The following PHF14 variants were observed in gnomAD, a reference collection of about 807,000 sequenced individuals.
The protein encoded by PHF14 is PHD finger protein 14.
In PHF14, 55 loss-of-function variants were observed where a neutral mutation model predicts 117.9. The observed-to-expected ratio is 0.47, with a 90% CI of 0.38 to 0.58. The LOEUF is 0.58. Ranked by LOEUF, PHF14 falls within the 20% of genes least tolerant of loss-of-function variation. The pLI, the probability that PHF14 is intolerant of heterozygous loss-of-function variation, is 0.00. For synonymous variants in PHF14, 409 were observed against 368.6 expected, an observed-to-expected ratio of 1.11 and a Z score of -1.26; for missense variants, 978 against 1,122.2, an observed-to-expected ratio of 0.87 and a Z score of 1.84.
chr7:11,145,737 A>G (rs1788532277), intron 17 of PHF14, among the ~76,000 whole-genome samples: 1 of 152,242 alleles, frequency 6.6e-6, no homozygotes, highest in African/African-American at 2.4e-5. Context: ...ATAAAAAGTA[A>G]CATGCATTAT....
Position 11,036,410 on chromosome 7 carries a change from T to C in PHF14, c.1603-8T>C. The C allele has an allele frequency of 5.7e-6, 9 of 1,588,936 alleles. No individual in the cohort carries two copies. Among genetic ancestry groups the C allele is most frequent in the Non-Finnish European group, 7.7e-6 (9 of 1,164,450 alleles). On this transcript the variant is annotated splice_polypyrimidine_tract_variant and splice_region_variant and intron_variant, in intron 8 of 17. Transcript: ENST00000634607. ...ATCTTTTAAAATTTGAATACATTTC[T>C]TTTATAGGCAAGGATCAATGCCCGG...
intron 14 of PHF14, among the ~76,000 whole-genome samples, chr7:11,060,613 C>T (rs1249117723): frequency 6.6e-6 from 1 of 152,138 alleles, no homozygotes; most frequent in African/African-American, 2.4e-5. Context: ...CAGGTGATGC[C>T]AGTGCTTATG....
At chr7:11,086,023 C>G (rs1380713587) in intron 16 of PHF14, among the ~76,000 whole-genome samples, 1 of 152,100 alleles carries the variant, frequency 6.6e-6, no homozygotes, top group Non-Finnish European at 1.5e-5. Flanking sequence ...CATCTGTAAA[C>G]CGAGGATAAT....
chr7:11,138,536 A>G (rs1227323729), intron 17 of PHF14, among the ~76,000 whole-genome samples: 1 of 152,264 alleles, frequency 6.6e-6, no homozygotes, highest in Non-Finnish European at 1.5e-5. Context: ...AGTAAACAGT[A>G]GATTAACTTG....
chr7:11,072,095 G>T (rs144769222), intron 16 of PHF14, among the ~76,000 whole-genome samples: 6 of 152,298 alleles, frequency 3.9e-5, no homozygotes, highest in Non-Finnish European at 7.4e-5. Context: ...ACTAAGAAAA[G>T]ATATTTAATT....
In PHF14 at chr7:11,104,959, A is replaced by G. The variant is rs776477257; in HGVS notation, c.2655-6391A>G. 2.0e-4 allele frequency: 191 copies of G among 937,168 alleles called. 2 individuals are homozygous for G. Among genetic ancestry groups the G allele is most frequent in the Non-Finnish European group, 2.3e-4 (177 of 786,326 alleles). 58.1% of individuals were successfully genotyped at this position (937,168 alleles called of 1,614,324 possible). A position where few individuals can be genotyped will look rare whatever the true frequency, so the allele number is the denominator to read the frequency against. On this transcript the variant is annotated intron_variant, in intron 16 of 17. Transcript: ENST00000634607. Reference sequence around the variant, plus strand: ...AACATCTCCTTAAAAGGTCCCTTAGATTTCCTCTAGATAAAAGAATTAGTA... The same window carrying G: ...AACATCTCCTTAAAAGGTCCCTTAGGTTTCCTCTAGATAAAAGAATTAGTA...
chr7:11,038,040 A>G (rs192690180), intron 10 of PHF14, among the ~76,000 whole-genome samples: 1 of 152,310 alleles, frequency 6.6e-6, no homozygotes, highest in Non-Finnish European at 1.5e-5. Flanking sequence ...CCAGCAGAAA[A>G]CAAAATGCTT....
At chr7:11,122,898 G>C (rs1787817610) in intron 17 of PHF14, among the ~76,000 whole-genome samples, 1 of 152,104 alleles carries the variant, frequency 6.6e-6, no homozygotes, top group Non-Finnish European at 1.5e-5. Context: ...CCAGCTGCAT[G>C]TCCAGGAACT....
In PHF14 at chr7:11,022,987, A is replaced by G. The variant is rs767733294; in HGVS notation, c.1317+8A>G. 2.0e-6 allele frequency: 3 copies of G among 1,499,608 alleles called. No homozygotes were observed. In the South Asian group the frequency reaches 3.6e-5, roughly 18 times the overall value. 92.9% of individuals were successfully genotyped at this position (1,499,608 alleles called of 1,614,324 possible). A position where few individuals can be genotyped will look rare whatever the true frequency, so the allele number is the denominator to read the frequency against. ...TCCAAATATGGTGCCAAGGTGAGACACAAAGCATTTTTGATTGCTTGAAAG... is the reference window on the plus strand; with the variant it reads ...TCCAAATATGGTGCCAAGGTGAGACGCAAAGCATTTTTGATTGCTTGAAAG... On this transcript the variant is annotated splice_region_variant and intron_variant, in intron 6 of 17. Transcript: ENST00000634607.
chr7:11,047,743 G>A lies in PHF14; in HGVS notation c.2313-3869G>A, dbSNP rs184015449. Among the ~76,000 whole-genome samples, 44 of 149,340 alleles carry A rather than the reference G, an allele frequency of 2.9e-4. 1 individual carries two copies. In the East Asian group the frequency reaches 7.3e-3, roughly 25 times the overall value. ...TGAGGCTACAATGAGCTGAGATTGC[G>A]CCAGTGCTCTCCAATCTGGGTGACA... is the stretch of plus-strand genomic sequence containing the variant. On this transcript the variant is annotated intron_variant, in intron 13 of 17. Coordinates refer to ENST00000634607, the MANE Select transcript of PHF14 (RefSeq NM_001007157.2).
At chr7:11,075,928 G>T (rs1009376507) in intron 16 of PHF14, among the ~76,000 whole-genome samples, 25 of 151,968 alleles carry the variant, frequency 1.6e-4, no homozygotes, top group African/African-American at 5.8e-4. Flanking sequence ...TCAGGAGATC[G>T]AGAGCATCCT....
chr7:11,030,357 G>A (rs908005527), intron 7 of PHF14, among the ~76,000 whole-genome samples: 4 of 152,002 alleles, frequency 2.6e-5, no homozygotes, highest in South Asian at 2.1e-4. Flanking sequence ...TGAGCTTTGC[G>A]GTTAGTAGGG....
intron 17 of PHF14, among the ~76,000 whole-genome samples, chr7:11,155,170 T>C (rs1788807178): frequency 6.6e-6 from 1 of 152,170 alleles, no homozygotes; most frequent in Admixed American, 6.5e-5. Context: ...ATAATTTTAG[T>C]CGTCAAAAAT....
At chr7:11,109,785 T>G (rs1372412732) in intron 16 of PHF14, 3 of 151,938 alleles carry the variant, frequency 2.0e-5, no homozygotes, top group African/African-American at 7.2e-5. Context: ...GATATTGTCA[T>G]AGTAAATAAA....
At position 11,016,591 on chromosome 7, in the gene PHF14, T is replaced by C. The variant is rs796085806; in HGVS notation, c.1205+2685T>C. 5.3e-5 allele frequency among the ~76,000 whole-genome samples: 8 copies of C among 152,248 alleles called. No homozygotes were observed. The South Asian group carries it at 1.2e-3, about 24-fold the overall frequency. ...TGGCATGCTCTCCTTTTTTATTTTTTATTTATAGTTTTACTATTTGTGGGT... is the reference window on the plus strand; with the variant it reads ...TGGCATGCTCTCCTTTTTTATTTTTCATTTATAGTTTTACTATTTGTGGGT... On this transcript the variant is annotated intron_variant, in intron 5 of 17. Coordinates refer to ENST00000634607, the MANE Select transcript of PHF14 (RefSeq NM_001007157.2).
At chr7:11,075,419 G>A (rs1026080657) in intron 16 of PHF14, among the ~76,000 whole-genome samples, 1 of 152,148 alleles carries the variant, frequency 6.6e-6, no homozygotes, top group African/African-American at 2.4e-5. Context: ...CAAGGCCTCA[G>A]TAAACTTACA....
intron 17 of PHF14, among the ~76,000 whole-genome samples, chr7:11,135,016 G>A (rs773179481): frequency 1.2e-4 from 18 of 152,036 alleles, no homozygotes; most frequent in Non-Finnish European, 1.3e-4. Context: ...CCCTTCTAAG[G>A]TCTCTAACTT....
rs1476220043 is a variant in PHF14, at chr7:11,164,344, GA to G, written c.2773-5069del. Among the ~76,000 whole-genome samples the G allele has an allele frequency of 3.3e-5, 5 of 152,262 alleles. No homozygotes were observed. The East Asian group carries it at 9.7e-4, about 29-fold the overall frequency. ...AAAGCTATGTTTTCTGATTACGAAG[GA>G]AATCTATGCTCACAGTGGGAAAACA... On this transcript the variant is annotated intron_variant, in intron 17 of 17. Coordinates refer to ENST00000634607, the MANE Select transcript of PHF14 (RefSeq NM_001007157.2).
chr7:11,156,786 G>A (rs1213350317), intron 17 of PHF14, among the ~76,000 whole-genome samples: 1 of 151,884 alleles, frequency 6.6e-6, no homozygotes, highest in Non-Finnish European at 1.5e-5. Flanking sequence ...GAGCGAGACT[G>A]TCTCAGAAAA....
Sources: gnomAD v4.1 joint callset for allele counts (sites outside exome capture counted in the v4.1 genomes callset) on GRCh38, gnomAD v4.1.1 for gene constraint, MANE v1.5 for transcripts, NCBI Gene and HGNC (gene_info 2026-07-23, HGNC 2026-07-21) for gene names.